Variants in OSBPL8 observed in about 807,000 individuals in gnomAD.
OSBPL8 encodes the protein oxysterol binding protein like 8.
OSBPL8 carries 59 observed loss-of-function variants against 125.5 expected under a neutral mutation model. The ratio of observed to expected loss-of-function variants is 0.47; its 90% CI spans 0.38 to 0.58. The LOEUF (loss-of-function observed/expected upper bound fraction) is 0.58, where lower values mean the gene tolerates loss of function less well. OSBPL8 is among the 20% of genes least tolerant of loss of function. The pLI is 0.00. For synonymous variants in OSBPL8, 330 were observed against 338.9 expected, an observed-to-expected ratio of 0.97 and a Z score of 0.29; for missense variants, 758 against 1,047.8, an observed-to-expected ratio of 0.72 and a Z score of 3.82.
intron 2 of OSBPL8, among the ~76,000 whole-genome samples, chr12:76,465,976 T>C (rs1028045140): frequency 2.0e-5 from 3 of 151,880 alleles, no homozygotes; most frequent in Non-Finnish European, 4.4e-5. Flanking sequence ...ACTGCACTAC[T>C]GGGCAAAAGA....
chr12:76,364,533 G>A (rs1403947783), intron 21 of OSBPL8, among the ~76,000 whole-genome samples: 2 of 152,170 alleles, frequency 1.3e-5, no homozygotes, highest in Non-Finnish European at 2.9e-5. Context: ...ATAGCATTAG[G>A]AGAAATACCT....
intron 2 of OSBPL8, among the ~76,000 whole-genome samples, chr12:76,478,748 ACTG>A (rs1252208719): frequency 6.6e-6 from 1 of 152,240 alleles, no homozygotes; most frequent in Non-Finnish European, 1.5e-5. Flanking sequence ...ATATTTAAGT[ACTG>A]CTAACAAAAC....
rs375958323 is a variant in OSBPL8 at position 76,384,220 on chromosome 12, A to C, written c.1630+34T>G. The C allele has an allele frequency of 3.7e-5, 48 of 1,280,224 alleles. No individual in the cohort carries two copies. In the African/African-American group the frequency reaches 6.7e-4, roughly 18 times the overall value. The allele number at this position is 1,280,224 out of a possible 1,614,324, so 79.3% of individuals were successfully genotyped here. A position where few individuals can be genotyped will look rare whatever the true frequency, so the allele number is the denominator to read the frequency against. On this transcript the variant is annotated intron_variant, in intron 15 of 23. Coordinates refer to ENST00000261183, the MANE Select transcript of OSBPL8 (RefSeq NM_020841.5). ...AGCTCACCAGAAAATAATACCTCCC[A>C]GGAGAGGGTGCAAGTTGGGACGGGA...
chr12:76,506,339 T>A (rs149746388), intron 1 of OSBPL8, among the ~76,000 whole-genome samples: 1 of 152,160 alleles, frequency 6.6e-6, no homozygotes, highest in African/African-American at 2.4e-5. Flanking sequence ...AACATGCAGA[T>A]GTGAGGCTGA....
At chr12:76,484,976 A>G (rs1359832811) in intron 2 of OSBPL8, among the ~76,000 whole-genome samples, 1 of 152,066 alleles carries the variant, frequency 6.6e-6, no homozygotes, top group Non-Finnish European at 1.5e-5. Context: ...GCTAGAGTGC[A>G]GTGGCGCGAT....
In OSBPL8 at chr12:76,355,297, T is replaced by C. The variant is rs1356353504; in HGVS notation, c.*592A>G. On this transcript the variant is annotated 3_prime_UTR_variant, in exon 24 of 24. Coordinates refer to ENST00000261183, the MANE Select transcript of OSBPL8 (RefSeq NM_020841.5). ...AAACTTTTAAAAAAGCAATTTGCCA[T>C]TTATCTCTCTCGATGTATTCATTTT... The C allele has an allele frequency of 1.3e-5, 2 of 152,508 alleles. No individual in the cohort carries two copies. The highest frequency in any genetic ancestry group is 4.8e-5 in the African/African-American group (2 of 41,464). 9.4% of individuals were successfully genotyped at this position (152,508 alleles called of 1,614,324 possible).
intron 2 of OSBPL8, among the ~76,000 whole-genome samples, chr12:76,477,471 T>C (rs1876947864): frequency 6.6e-6 from 1 of 152,146 alleles, no homozygotes; most frequent in Non-Finnish European, 1.5e-5. Flanking sequence ...ATGAAAAACA[T>C]ATCAAACAAA....
Position 76,495,382 on chromosome 12 carries a change from A to G in OSBPL8, c.-67-7764T>C, listed in dbSNP as rs188736545. ...TACTAAATGCCTCCCAAAGGAATTC[A>G]GTCCAATAAAAGAGGTCTAGCAAAT... On this transcript the variant is annotated intron_variant, in intron 1 of 23. Coordinates refer to ENST00000261183, the MANE Select transcript of OSBPL8 (RefSeq NM_020841.5). 8.3e-4 allele frequency among the ~76,000 whole-genome samples: 127 copies of G among 152,350 alleles called. 1 individual carries two copies. The highest frequency in any genetic ancestry group is 6.8e-3 in the Middle Eastern group (2 of 294).
At chr12:76,398,002 C>T in intron 7 of OSBPL8, 105 bp from the exon 8 acceptor site, 2 of 907,258 alleles carry the variant, frequency 2.2e-6, no homozygotes, top group Non-Finnish European at 3.4e-6. Flanking sequence ...ATAACACGTA[C>T]ACTTTAAATA....
intron 2 of OSBPL8, among the ~76,000 whole-genome samples, chr12:76,471,442 C>A (rs995401360): frequency 6.6e-6 from 1 of 152,144 alleles, no homozygotes; most frequent in Non-Finnish European, 1.5e-5. Flanking sequence ...CATCTATATT[C>A]TCCTCCACTC....
At chr12:76,467,305 A>G (rs947785187) in intron 2 of OSBPL8, among the ~76,000 whole-genome samples, 1 of 152,168 alleles carries the variant, frequency 6.6e-6, no homozygotes, top group South Asian at 2.1e-4. Context: ...CTTTTCCTGC[A>G]GGTTCCATTG....
At chr12:76,370,091 T>C (rs1182972233) in intron 19 of OSBPL8, among the ~76,000 whole-genome samples, 4 of 152,088 alleles carry the variant, frequency 2.6e-5, no homozygotes, top group African/African-American at 9.7e-5. Flanking sequence ...ATAGTAAGTG[T>C]TGAAGTGTTG....
At chr12:76,468,922 C>T (rs1465173026) in intron 2 of OSBPL8, among the ~76,000 whole-genome samples, 1 of 152,128 alleles carries the variant, frequency 6.6e-6, no homozygotes, top group Non-Finnish European at 1.5e-5. Flanking sequence ...TAAGGAAGAA[C>T]TTTTAATTTA....
chr12:76,418,548 AGGT>A (rs1460560803), intron 4 of OSBPL8, among the ~76,000 whole-genome samples: 3 of 152,076 alleles, frequency 2.0e-5, no homozygotes, highest in Non-Finnish European at 4.4e-5. Context: ...GCACATATTC[AGGT>A]CAGATGAGGT....
In OSBPL8 at chr12:76,551,632, T is replaced by C. The variant is rs570305416; in HGVS notation, c.-68+7765A>G. 1.2e-4 allele frequency among the ~76,000 whole-genome samples: 19 copies of C among 152,308 alleles called. 1 individual carries two copies. In the East Asian group the frequency reaches 3.7e-3, roughly 29 times the overall value. On this transcript the variant is annotated intron_variant, in intron 1 of 23. Transcript: ENST00000261183. ...TATGATTAGCCTGAATACAGACCCATGGATTGCCCTGGGGATCCTCACAGG... is the reference window on the plus strand; with the variant it reads ...TATGATTAGCCTGAATACAGACCCACGGATTGCCCTGGGGATCCTCACAGG...
intron 1 of OSBPL8, among the ~76,000 whole-genome samples, chr12:76,495,861 T>C (rs1258424461): frequency 1.3e-5 from 2 of 152,260 alleles, no homozygotes; most frequent in Non-Finnish European, 2.9e-5. Context: ...TCTGCTTTTT[T>C]TGTTAACCAT....
chr12:76,444,732 A>C (rs1592694423), intron 4 of OSBPL8, among the ~76,000 whole-genome samples: 1 of 152,188 alleles, frequency 6.6e-6, no homozygotes, highest in Admixed American at 6.5e-5. Flanking sequence ...AGAGCTTTAT[A>C]AACACATTAT....
chr12:76,358,096 T>C (rs766749802), intron 22 of OSBPL8, among the ~76,000 whole-genome samples: 1 of 151,968 alleles, frequency 6.6e-6, no homozygotes, highest in Non-Finnish European at 1.5e-5. Context: ...AAAATGCTTC[T>C]GAATTCAATC....
intron 2 of OSBPL8, among the ~76,000 whole-genome samples, chr12:76,460,859 G>A (rs1874635646): frequency 6.6e-6 from 1 of 152,174 alleles, no homozygotes; most frequent in Non-Finnish European, 1.5e-5. Flanking sequence ...TACATTATTT[G>A]TTGGTCTTAA....
Sources: gnomAD v4.1 joint callset for allele counts (sites outside exome capture counted in the v4.1 genomes callset) on GRCh38, gnomAD v4.1.1 for gene constraint, MANE v1.5 for transcripts, NCBI Gene and HGNC (gene_info 2026-07-23, HGNC 2026-07-21) for gene names.